The following SLC22A3 variants were observed in gnomAD, a reference collection of about 807,000 sequenced individuals.
SLC22A3 encodes solute carrier family 22 member 3.
A neutral mutation model predicts 59.1 loss-of-function variants in SLC22A3; 51 were observed. The observed-to-expected ratio is 0.86, with a 90% CI of 0.69 to 1.09. The LOEUF (loss-of-function observed/expected upper bound fraction) is 1.09, where lower values mean the gene tolerates loss of function less well. SLC22A3 is among the 50% of genes least tolerant of loss of function. The probability of loss-of-function intolerance (pLI) is 0.00; values close to 1 mark genes in which losing one functional copy is unlikely to be tolerated. For synonymous variants in SLC22A3, 325 were observed against 292.0 expected (o/e 1.11, Z -1.15); for missense variants, 711 against 726.3 (o/e 0.98, Z 0.24).
rs573269784 is a variant in SLC22A3 at position 160,365,424 on chromosome 6, T to C, written c.429+16576T>C. ...AGATGTCAGAATCACATGGAGGGCT[T>C]GTGGAACCAGACTGCTGGGCCTCAC... On this transcript the variant is annotated intron_variant, in intron 1 of 10. Coordinates refer to ENST00000275300, the MANE Select transcript of SLC22A3 (RefSeq NM_021977.4). Among the ~76,000 whole-genome samples the C allele has an allele frequency of 2.6e-5, 4 of 152,334 alleles. No individual in the cohort carries two copies. In the East Asian group the frequency reaches 5.8e-4, roughly 22 times the overall value.
chr6:160,429,785 C>T (rs1307798955), intron 5 of SLC22A3, among the ~76,000 whole-genome samples: 3 of 151,670 alleles, frequency 2.0e-5, no homozygotes, highest in Non-Finnish European at 4.4e-5. Context: ...TCCACAGTTC[C>T]AAATCAACAT....
At chr6:160,398,205 T>C in intron 2 of SLC22A3, 123 bp downstream of exon 2, 1 of 712,330 alleles carries the variant, frequency 1.4e-6, no homozygotes, top group Admixed American at 2.0e-5. Context: ...AATTCTTGAT[T>C]CCATCATTCA....
intron 1 of SLC22A3, among the ~76,000 whole-genome samples, chr6:160,351,626 C>T (rs772812611): frequency 1.3e-5 from 2 of 152,194 alleles, no homozygotes; most frequent in African/African-American, 4.8e-5. Flanking sequence ...GTAGTTCCAT[C>T]TTCAGCTAAC....
chr6:160,450,274 T>C (rs1788901392), intron 10 of SLC22A3, among the ~76,000 whole-genome samples: 1 of 152,172 alleles, frequency 6.6e-6, no homozygotes, highest in Admixed American at 6.5e-5. Flanking sequence ...TCTTAATTAT[T>C]AATATTCCTT....
chr6:160,387,719 C>A lies in SLC22A3; in HGVS notation c.430-10260C>A, dbSNP rs1047436807. On this transcript the variant is annotated intron_variant, in intron 1 of 10. Transcript: ENST00000275300. The stretch of plus-strand genomic sequence containing the variant: ...CATCAGGCTTTGGATCTCGTATCTT[C>A]AGAAATGCTGTCAGTATTTTCCAAG... 4.6e-5 allele frequency among the ~76,000 whole-genome samples: 7 copies of A among 152,156 alleles called. No homozygotes were observed. In the South Asian group the frequency reaches 1.5e-3, roughly 32 times the overall value.
chr6:160,371,266 G>A (rs1254814158), intron 1 of SLC22A3, among the ~76,000 whole-genome samples: 1 of 152,120 alleles, frequency 6.6e-6, no homozygotes, highest in Non-Finnish European at 1.5e-5. Context: ...ATGTGCCATG[G>A]TGGTTTGCTG....
intron 1 of SLC22A3, among the ~76,000 whole-genome samples, chr6:160,388,989 G>T (rs1299614926): frequency 6.6e-6 from 1 of 152,216 alleles, no homozygotes; most frequent in Non-Finnish European, 1.5e-5. Context: ...AACTGGAGCT[G>T]CAGGGCACTG....
intron 1 of SLC22A3, among the ~76,000 whole-genome samples, chr6:160,374,745 C>A (rs1785528071): frequency 1.3e-5 from 2 of 152,168 alleles, no homozygotes; most frequent in Non-Finnish European, 2.9e-5. Flanking sequence ...CCAGTTAGAG[C>A]AGACCTGGAT....
chr6:160,384,273 G>A (rs1217799814), intron 1 of SLC22A3, among the ~76,000 whole-genome samples: 1 of 152,126 alleles, frequency 6.6e-6, no homozygotes, highest in Non-Finnish European at 1.5e-5. Flanking sequence ...TATCCAAGGA[G>A]GGTCCTAGAA....
chr6:160,445,743 G>A (rs1369189978), intron 9 of SLC22A3, among the ~76,000 whole-genome samples: 1 of 152,218 alleles, frequency 6.6e-6, no homozygotes, highest in African/African-American at 2.4e-5. Flanking sequence ...AGAAAGCATG[G>A]TGACCTGAGA....
intron 1 of SLC22A3, among the ~76,000 whole-genome samples, chr6:160,349,690 A>G (rs1315716840): frequency 6.6e-6 from 1 of 152,186 alleles, no homozygotes; most frequent in Non-Finnish European, 1.5e-5. Flanking sequence ...GCTGAAATGG[A>G]AGATTGCCTC....
chr6:160,356,048 A>G lies in SLC22A3; in HGVS notation c.429+7200A>G, dbSNP rs186350289. 1.1e-3 allele frequency among the ~76,000 whole-genome samples: 169 copies of G among 152,264 alleles called. 3 individuals carry two copies. Among genetic ancestry groups the G allele is most frequent in the Admixed American group, 0.011 (169 of 15,294 alleles). ...ATTTGTGATTAAATTAATGAATGAAAGAGAAAGGGATTCCTTGGCACGTGT... is the reference window on the plus strand; with the variant it reads ...ATTTGTGATTAAATTAATGAATGAAGGAGAAAGGGATTCCTTGGCACGTGT... On this transcript the variant is annotated intron_variant, in intron 1 of 10. Transcript: ENST00000275300.
chr6:160,402,944 A>C (rs1191553436), intron 2 of SLC22A3, among the ~76,000 whole-genome samples: 1 of 151,828 alleles, frequency 6.6e-6, no homozygotes, highest in Non-Finnish European at 1.5e-5. Flanking sequence ...AAAAGAGGAA[A>C]TATATAAAAT....
intron 1 of SLC22A3, among the ~76,000 whole-genome samples, chr6:160,354,084 T>C (rs1257586530): frequency 1.3e-5 from 2 of 152,136 alleles, no homozygotes; most frequent in Non-Finnish European, 2.9e-5. Flanking sequence ...TGGTAAACCT[T>C]AGAAAGGAGC....
intron 2 of SLC22A3, among the ~76,000 whole-genome samples, chr6:160,405,795 T>G (rs1304368031): frequency 6.6e-6 from 1 of 152,132 alleles, no homozygotes; most frequent in East Asian, 1.9e-4. Context: ...CGTAAGTACT[T>G]ATTACTAAAT....
chr6:160,389,794 C>A (rs566023934), intron 1 of SLC22A3, among the ~76,000 whole-genome samples: 3 of 152,302 alleles, frequency 2.0e-5, no homozygotes, highest in African/African-American at 7.2e-5. Flanking sequence ...GGGCTGAGAG[C>A]AACAAAACCC....
chr6:160,449,844 G>A (rs902284357), intron 10 of SLC22A3, among the ~76,000 whole-genome samples: 5 of 152,160 alleles, frequency 3.3e-5, no homozygotes, highest in African/African-American at 9.7e-5. Context: ...ATGCCCACCT[G>A]AGCCTTAAAG....
chr6:160,416,676 A>G (rs9364555), intron 5 of SLC22A3, among the ~76,000 whole-genome samples: 1 of 151,922 alleles, frequency 6.6e-6, no homozygotes, highest in Admixed American at 6.6e-5. Context: ...TAAATGTGAA[A>G]TTTTTCTTTG....
At chr6:160,420,373 T>C (rs909280203) in intron 5 of SLC22A3, among the ~76,000 whole-genome samples, 1 of 152,204 alleles carries the variant, frequency 6.6e-6, no homozygotes, top group African/African-American at 2.4e-5. Flanking sequence ...CTTCCAGATT[T>C]CCTCTGGGAA....
Sources: gnomAD v4.1 joint callset for allele counts (sites outside exome capture counted in the v4.1 genomes callset) on GRCh38, gnomAD v4.1.1 for gene constraint, MANE v1.5 for transcripts, NCBI Gene and HGNC (gene_info 2026-07-23, HGNC 2026-07-21) for gene names.